The following PRR16 variants were observed in gnomAD, a reference collection of about 807,000 sequenced individuals.
PRR16 encodes the protein proline rich 16.
PRR16 carries 6 observed loss-of-function variants against 18.2 expected under a neutral mutation model. The observed-to-expected ratio is 0.33, with a 90% CI of 0.18 to 0.65. The LOEUF (loss-of-function observed/expected upper bound fraction) is 0.65, where lower values mean the gene tolerates loss of function less well. Among genes scored for constraint, PRR16 ranks in the 30% least tolerant of loss-of-function variants. PRR16 has a pLI of 0.74. For synonymous variants in PRR16, 151 were observed against 147.8 expected (o/e 1.02, Z -0.16); for missense variants, 412 against 376.6 (o/e 1.09, Z -0.78).
chr5:120,724,518 CTGATTTTACA>C, the PRR16 span, among the ~76,000 whole-genome samples: 2 of 152,064 alleles, frequency 1.3e-5, no homozygotes, highest in African/African-American at 4.8e-5. Flanking sequence ...ATATTAGCTA[CTGATTTTACA>C]TGATTTTATA....
chr5:120,785,572 G>GTTTTTTTTTTTTTTTTTTTTTTTTTT, the PRR16 span, among the ~76,000 whole-genome samples: 62 of 119,944 alleles, frequency 5.2e-4, 10 homozygotes, highest in South Asian at 7.8e-4. Context: ...TTTTGTTGTT[G>GTTTTTTTTTTTTTTTTTTTTTTTTTT]TTGTTTTTTT....
chr5:120,660,750 G>A (rs571402220), intron 1 of PRR16, among the ~76,000 whole-genome samples: 17 of 152,096 alleles, frequency 1.1e-4, no homozygotes, highest in African/African-American at 4.1e-4. Context: ...ACATTATGCA[G>A]TCTTATGTGT....
chr5:120,760,838 C>T, the PRR16 span, among the ~76,000 whole-genome samples: 80 of 152,132 alleles, frequency 5.3e-4, 1 homozygote, highest in Admixed American at 1.7e-3. Flanking sequence ...GATTGAGCTC[C>T]GGTAGCACAA....
chr5:120,563,674 C>T (rs991299276), intron 1 of PRR16, among the ~76,000 whole-genome samples: 1 of 152,126 alleles, frequency 6.6e-6, no homozygotes, highest in South Asian at 2.1e-4. Context: ...AAATGCTGTC[C>T]AAGACTCTAG....
chr5:120,502,155 A>G (rs924355704), intron 1 of PRR16, among the ~76,000 whole-genome samples: 1 of 151,152 alleles, frequency 6.6e-6, no homozygotes, highest in Admixed American at 6.6e-5. Flanking sequence ...CACTTAAGGA[A>G]ATCTGTCCTA....
At chr5:120,497,295 T>G (rs1750279773) in intron 1 of PRR16, among the ~76,000 whole-genome samples, 1 of 151,634 alleles carries the variant, frequency 6.6e-6, no homozygotes, top group African/African-American at 2.4e-5. Flanking sequence ...GAGGAAGGAA[T>G]GTTGAACTGT....
At chr5:120,710,210 C>G in the PRR16 span, among the ~76,000 whole-genome samples, 1 of 152,094 alleles carries the variant, frequency 6.6e-6, no homozygotes, top group Non-Finnish European at 1.5e-5. Flanking sequence ...GTGAATTTCC[C>G]TGATGACTTT....
At chr5:120,622,557 C>T (rs1754724159) in intron 1 of PRR16, among the ~76,000 whole-genome samples, 1 of 152,034 alleles carries the variant, frequency 6.6e-6, no homozygotes, top group Admixed American at 6.6e-5. Flanking sequence ...TGGCTCACTG[C>T]AACCTCCACC....
At chr5:120,560,339 A>C (rs956399739) in intron 1 of PRR16, among the ~76,000 whole-genome samples, 1 of 151,880 alleles carries the variant, frequency 6.6e-6, no homozygotes, top group Non-Finnish European at 1.5e-5. Flanking sequence ...AAGGGTTTTT[A>C]TCATGAAGGA....
chr5:120,655,285 A>G (rs955266657), intron 1 of PRR16, among the ~76,000 whole-genome samples: 3 of 151,834 alleles, frequency 2.0e-5, no homozygotes, highest in South Asian at 4.1e-4. Flanking sequence ...TTAAGTCTAT[A>G]AAATTTACCT....
the PRR16 span, among the ~76,000 whole-genome samples, chr5:120,791,185 G>T: frequency 6.6e-6 from 1 of 152,082 alleles, no homozygotes; most frequent in African/African-American, 2.4e-5. Context: ...TTGCTTATTT[G>T]ATTTGGTTTT....
At chr5:120,676,927 T>G (rs947364483) in intron 1 of PRR16, among the ~76,000 whole-genome samples, 1 of 152,196 alleles carries the variant, frequency 6.6e-6, no homozygotes, top group Non-Finnish European at 1.5e-5. Flanking sequence ...AAGGTTTGTA[T>G]AGATTCTTCT....
In PRR16 at chr5:120,663,140, TC is replaced by T. The variant is rs200946792; in HGVS notation, c.160-22813del. ...TGAAAATGCGAGGGCTTTTGTTATT[TC>T]ACTGGTACCAGTGTGAGGCTTAAGG... On this transcript the variant is annotated intron_variant, in intron 1 of 1. Coordinates refer to ENST00000407149, the MANE Select transcript of PRR16 (RefSeq NM_001300783.2). Among the ~76,000 whole-genome samples, 824 of 152,302 alleles carry T rather than the reference TC, an allele frequency of 5.4e-3. 4 individuals carry two copies. The highest frequency in any genetic ancestry group is 0.014 in the Middle Eastern group (4 of 294).
rs144458252 is a variant in PRR16, at chr5:120,510,884, A to C, written c.159+46239A>C. 5.3e-3 allele frequency among the ~76,000 whole-genome samples: 800 copies of C among 152,292 alleles called. 13 individuals carry two copies. The highest frequency in any genetic ancestry group is 0.018 in the African/African-American group (762 of 41,590). On this transcript the variant is annotated intron_variant, in intron 1 of 1. Coordinates refer to ENST00000407149, the MANE Select transcript of PRR16 (RefSeq NM_001300783.2). Reference sequence around the variant, plus strand: ...TGTCATATGTGACTGTGTTTCTTTCATCTGAGAAATATGTGGCTTGCCTCA... The same window carrying C: ...TGTCATATGTGACTGTGTTTCTTTCCTCTGAGAAATATGTGGCTTGCCTCA...
At chr5:120,770,207 C>T in the PRR16 span, among the ~76,000 whole-genome samples, 1 of 151,518 alleles carries the variant, frequency 6.6e-6, no homozygotes, top group South Asian at 2.1e-4. Flanking sequence ...ATTATGAGGC[C>T]CTGGTAATTA....
chr5:120,668,802 T>G (rs1485308993), intron 1 of PRR16, among the ~76,000 whole-genome samples: 1 of 152,198 alleles, frequency 6.6e-6, no homozygotes, highest in East Asian at 1.9e-4. Context: ...TTCTGGCTTG[T>G]AGAGTTTCTG....
At chr5:120,733,849 CA>C in the PRR16 span, among the ~76,000 whole-genome samples, 1 of 151,954 alleles carries the variant, frequency 6.6e-6, no homozygotes, top group Non-Finnish European at 1.5e-5. Context: ...AAAAAACAAA[CA>C]AAAAAGATTA....
At chr5:120,730,409 A>G in the PRR16 span, among the ~76,000 whole-genome samples, 8 of 152,186 alleles carry the variant, frequency 5.3e-5, no homozygotes, top group Non-Finnish European at 1.2e-4. Context: ...GTGTCCAACT[A>G]AAAGTTAGTT....
intron 1 of PRR16, among the ~76,000 whole-genome samples, chr5:120,524,846 G>C (rs1154768): frequency 0.39 from 58,626 of 151,684 alleles, 13,029 homozygotes; most frequent in African/African-American, 0.61. Context: ...AATTAAAAAA[G>C]CAAATAAACT....
Sources: gnomAD v4.1 joint callset for allele counts (sites outside exome capture counted in the v4.1 genomes callset) on GRCh38, gnomAD v4.1.1 for gene constraint, MANE v1.5 for transcripts, NCBI Gene and HGNC (gene_info 2026-07-23, HGNC 2026-07-21) for gene names.